The following MTUS2 variants were observed in gnomAD, a reference collection of about 807,000 sequenced individuals.
The protein encoded by MTUS2 is microtubule associated scaffold protein 2, also known as microtubule-associated tumor suppressor candidate 2.
In MTUS2, 40 loss-of-function variants were observed where a neutral mutation model predicts 114.1. The ratio of observed to expected loss-of-function variants is 0.35; its 90% CI spans 0.27 to 0.46. The LOEUF (loss-of-function observed/expected upper bound fraction) is 0.46. MTUS2 is among the 20% of genes least tolerant of loss of function. MTUS2 has a pLI of 1.00. For synonymous variants in MTUS2, 688 were observed against 672.0 expected (o/e 1.02, Z -0.37); for missense variants, 1,679 against 1,705.4 (o/e 0.98, Z 0.27).
Position 28,905,167 on chromosome 13 carries a change from G to C in MTUS2, c.-243+65317G>C, listed in dbSNP as rs180769579. On this transcript the variant is annotated intron_variant, in intron 2 of 15. Coordinates refer to ENST00000612955, the MANE Select transcript of MTUS2 (RefSeq NM_001033602.4). ...AGGAGATTTTGGGCTGAGAAAATGGGGTTTTCTAGATATACAATCATGTCA... is the reference window on the plus strand; with the variant it reads ...AGGAGATTTTGGGCTGAGAAAATGGCGTTTTCTAGATATACAATCATGTCA... 2.2e-3 allele frequency among the ~76,000 whole-genome samples: 331 copies of C among 151,592 alleles called. 6 individuals are homozygous for C. The highest frequency in any genetic ancestry group is 1.5e-3 in the South Asian group (7 of 4,772).
intron 6 of MTUS2, among the ~76,000 whole-genome samples, chr13:29,319,936 G>T (rs1359159792): frequency 1.3e-5 from 2 of 152,206 alleles, no homozygotes; most frequent in East Asian, 1.9e-4. Flanking sequence ...GTGAGTTTTT[G>T]GTGAGTAAAA....
chr13:28,913,257 T>C (rs954374620), intron 2 of MTUS2, among the ~76,000 whole-genome samples: 2 of 152,074 alleles, frequency 1.3e-5, no homozygotes, highest in African/African-American at 4.8e-5. Context: ...GTTTGTCATA[T>C]ATGGCTCTTA....
intron 4 of MTUS2, among the ~76,000 whole-genome samples, chr13:29,070,273 A>G (rs1447978467): frequency 6.6e-6 from 1 of 152,178 alleles, no homozygotes; most frequent in African/African-American, 2.4e-5. Flanking sequence ...GGGTTAATCC[A>G]TGTGTTTCTC....
At chr13:29,492,864 C>G in intron 12 of MTUS2, 145 bp downstream of exon 12, 1 of 667,076 alleles carries the variant, frequency 1.5e-6, no homozygotes, top group Non-Finnish European at 2.6e-6. Flanking sequence ...ATACTCGCTA[C>G]TCTTAAGAAA....
Position 29,230,902 on chromosome 13 carries a change from G to C in MTUS2, c.2645-50802G>C, listed in dbSNP as rs558230498. On this transcript the variant is annotated intron_variant, in intron 5 of 15. Transcript: ENST00000612955. ...TTGCAGCATCACACAAGAATGGCAA[G>C]TCTTTAATCCTTTTTTCACCATTGG... is the stretch of plus-strand genomic sequence containing the variant. Among the ~76,000 whole-genome samples the C allele has an allele frequency of 5.3e-5, 8 of 152,290 alleles. No homozygotes were observed. The East Asian group carries it at 1.5e-3, about 29-fold the overall frequency.
intron 8 of MTUS2, among the ~76,000 whole-genome samples, chr13:29,417,330 C>T (rs1429694356): frequency 2.0e-5 from 3 of 152,218 alleles, no homozygotes; most frequent in Non-Finnish European, 2.9e-5. Flanking sequence ...CACCAGGTCC[C>T]ACCTTCAACA....
At chr13:29,290,945 G>A (rs986622836) in intron 6 of MTUS2, among the ~76,000 whole-genome samples, 1 of 152,180 alleles carries the variant, frequency 6.6e-6, no homozygotes, top group African/African-American at 2.4e-5. Context: ...CTAGTGATTT[G>A]AGAGCACTTG....
intron 2 of MTUS2, among the ~76,000 whole-genome samples, chr13:28,931,712 G>A (rs1174922979): frequency 6.6e-6 from 1 of 152,038 alleles, no homozygotes; most frequent in Non-Finnish European, 1.5e-5. Flanking sequence ...AAGTTTTAGG[G>A]TACATGTGCA....
At chr13:29,334,529 C>T (rs906327122) in intron 7 of MTUS2, among the ~76,000 whole-genome samples, 1 of 152,126 alleles carries the variant, frequency 6.6e-6, no homozygotes, top group African/African-American at 2.4e-5. Flanking sequence ...AATATTGGCC[C>T]ACACTCTCTT....
intron 8 of MTUS2, 87 bp downstream of exon 8, chr13:29,359,560 T>C: frequency 6.9e-7 from 1 of 1,450,612 alleles, no homozygotes; most frequent in Non-Finnish European, 9.3e-7. Flanking sequence ...ATGTTGCTGT[T>C]TTGGGTTTGA....
At chr13:28,918,014 ATAGTC>A (rs1379613826) in intron 2 of MTUS2, among the ~76,000 whole-genome samples, 1 of 151,714 alleles carries the variant, frequency 6.6e-6, no homozygotes, top group East Asian at 1.9e-4. Context: ...TGTATTTTTT[ATAGTC>A]TCCAAAAGTC....
intron 4 of MTUS2, among the ~76,000 whole-genome samples, chr13:29,080,103 T>A (rs1889375370): frequency 1.3e-5 from 2 of 152,310 alleles, no homozygotes; most frequent in South Asian, 4.2e-4. Context: ...AGTAAAAGAT[T>A]TATACTTCTT....
intron 2 of MTUS2, among the ~76,000 whole-genome samples, chr13:28,937,744 G>C (rs976884451): frequency 6.6e-6 from 1 of 152,156 alleles, no homozygotes; most frequent in Non-Finnish European, 1.5e-5. Context: ...GAGTGTCCCT[G>C]AGTGGGGTGC....
rs1886522376 is a variant in MTUS2 at position 29,026,009 on chromosome 13, G to A, written c.1311G>A (p.Val437=). The A allele has an allele frequency of 6.2e-6, 10 of 1,613,984 alleles. No individual in the cohort carries two copies. Among genetic ancestry groups the A allele is most frequent in the Non-Finnish European group, 8.5e-6 (10 of 1,179,878 alleles). Residue 437 remains valine (V), a synonymous_variant, in exon 3 of 16, where the codon GTG becomes GTA. Coordinates refer to ENST00000612955, the MANE Select transcript of MTUS2 (RefSeq NM_001033602.4). ...SSSFSPGDSH[V]AFIPNNLTDS... ...GCTTTTCACCAGGTGACAGTCATGTGGCTTTTATTCCTAATAATCTGACTG... is the reference window on the plus strand; with the variant it reads ...GCTTTTCACCAGGTGACAGTCATGTAGCTTTTATTCCTAATAATCTGACTG...
At chr13:29,434,270 G>C (rs1354831998) in intron 8 of MTUS2, among the ~76,000 whole-genome samples, 1 of 152,132 alleles carries the variant, frequency 6.6e-6, no homozygotes, top group Non-Finnish European at 1.5e-5. Context: ...GAAAGTTAGA[G>C]GGAAAAGGGG....
chr13:29,057,756 C>T (rs759086505), intron 4 of MTUS2, among the ~76,000 whole-genome samples: 1 of 152,062 alleles, frequency 6.6e-6, no homozygotes, highest in South Asian at 2.1e-4. Context: ...ATCTAGCTTG[C>T]CATTCTGTGT....
intron 2 of MTUS2, among the ~76,000 whole-genome samples, chr13:28,900,758 T>C (rs1252363746): frequency 2.6e-5 from 4 of 152,204 alleles, no homozygotes; most frequent in African/African-American, 9.6e-5. Flanking sequence ...TAGGCTGGCA[T>C]AACAAAGCAC....
intron 5 of MTUS2, among the ~76,000 whole-genome samples, chr13:29,171,698 A>G (rs1186693280): frequency 1.3e-5 from 2 of 152,208 alleles, no homozygotes; most frequent in Non-Finnish European, 2.9e-5. Context: ...ATCTGGAGAT[A>G]GGTAGTCCAG....
intron 5 of MTUS2, among the ~76,000 whole-genome samples, chr13:29,118,150 C>G (rs1414838511): frequency 6.6e-6 from 1 of 152,008 alleles, no homozygotes; most frequent in Non-Finnish European, 1.5e-5. Context: ...TGAGAGAGTC[C>G]TGTGTATCTC....
Sources: gnomAD v4.1 joint callset for allele counts (sites outside exome capture counted in the v4.1 genomes callset) on GRCh38, gnomAD v4.1.1 for gene constraint, MANE v1.5 for transcripts, NCBI Gene and HGNC (gene_info 2026-07-23, HGNC 2026-07-21) for gene names.